ZNF44: variants seen among roughly 807,000 people sequenced by gnomAD.
ZNF44 encodes the protein gonadotropin inducible transcription repressor-2.
ZNF44 carries 9 observed loss-of-function variants against 11.7 expected under a neutral mutation model. The ratio of observed to expected loss-of-function variants is 0.77; its 90% confidence interval spans 0.46 to 1.35. ZNF44 has a LOEUF of 1.35. Among genes scored for constraint, ZNF44 ranks in the 40% most tolerant of loss-of-function variants. The pLI, the probability that ZNF44 is intolerant of heterozygous loss-of-function variation, is 0.00. For synonymous variants in ZNF44, 224 were observed against 242.7 expected, an observed-to-expected ratio of 0.92 and a Z score of 0.72; for missense variants, 696 against 743.1, an observed-to-expected ratio of 0.94 and a Z score of 0.74.
intron 5 of ZNF44, among the ~76,000 whole-genome samples, chr19:12,251,386 CAG>C (rs1916989297): frequency 6.6e-6 from 1 of 151,622 alleles, no homozygotes; most frequent in South Asian, 2.1e-4. Flanking sequence ...CCCAGCTACT[CAG>C]GGGGCTGAGG....
chr19:12,250,176 T>C (rs1031530395), intron 6 of ZNF44: 1 of 1,284,280 alleles, frequency 7.8e-7, no homozygotes, highest in East Asian at 5.2e-5. Context: ...TGGAATAGCA[T>C]TGATATCCAA....
chr19:12,263,989 A>C (rs1346239614), intron 5 of ZNF44, among the ~76,000 whole-genome samples: 1 of 151,390 alleles, frequency 6.6e-6, no homozygotes, highest in African/African-American at 2.4e-5. Context: ...GCTACTTGGG[A>C]GGCTGAGGTG....
At chr19:12,255,132 A>ACACACACCCC (rs373440877) in intron 5 of ZNF44, among the ~76,000 whole-genome samples, 8 of 145,084 alleles carry the variant, frequency 5.5e-5, no homozygotes, top group African/African-American at 2.1e-4. Flanking sequence ...ACACACACAC[A>ACACACACCCC]CCCCTTTGTG....
chr19:12,278,567 C>CA (rs1478677787), intron 1 of ZNF44, among the ~76,000 whole-genome samples: 2 of 151,748 alleles, frequency 1.3e-5, no homozygotes, highest in African/African-American at 4.8e-5. Context: ...CTCATCTCTA[C>CA]AAAAAATAAA....
chr19:12,242,721 G>A (rs1244158295), downstream of ZNF44: 1 of 150,790 alleles, frequency 6.6e-6, no homozygotes, highest in Non-Finnish European at 1.5e-5. Context: ...GCATGGTAGT[G>A]TGCACCTGTA....
intron 1 of ZNF44, among the ~76,000 whole-genome samples, chr19:12,278,004 A>C (rs1451386416): frequency 6.6e-6 from 1 of 152,248 alleles, no homozygotes; most frequent in Non-Finnish European, 1.5e-5. Flanking sequence ...CTGTAATCCC[A>C]GTACTTTGGG....
chr19:12,258,035 A>T (rs1917335721), intron 5 of ZNF44, among the ~76,000 whole-genome samples: 1 of 151,298 alleles, frequency 6.6e-6, no homozygotes, highest in Non-Finnish European at 1.5e-5. Flanking sequence ...TAAAAGGAGA[A>T]ATACTCGGCC....
In ZNF44 at chr19:12,274,063, C is replaced by T. The variant is rs532247961; in HGVS notation, c.192G>A (p.Arg64=). Residue 64 remains arginine (R), a splice_region_variant and synonymous_variant, in exon 4 of 4, where the codon AGG becomes AGA. Transcript: ENST00000355684. ...TACCAAATCTCTCTACCACATCACA[C>T]CTGTAAAAAATGAAAAGTACATTAC... is the stretch of plus-strand genomic sequence containing the variant. ...DQHQNLRRNP[R]CDVVERFGKS... The T allele has an allele frequency of 3.1e-6, 5 of 1,596,062 alleles. No homozygotes were observed. The Admixed American group carries it at 7.0e-5, about 22-fold the overall frequency.
chr19:12,278,419 A>G (rs1456971821), intron 1 of ZNF44, among the ~76,000 whole-genome samples: 1 of 151,942 alleles, frequency 6.6e-6, no homozygotes, highest in Admixed American at 6.6e-5. Context: ...CACACTCTAA[A>G]TTTCTGTGTG....
upstream of ZNF44, among the ~76,000 whole-genome samples, chr19:12,239,775 T>C (rs1365164831): frequency 1.3e-5 from 2 of 151,490 alleles, no homozygotes; most frequent in Non-Finnish European, 2.9e-5. Flanking sequence ...GGTTTCACTA[T>C]GTTGGCCAAG....
chr19:12,294,365 G>A (rs958161821), intron 1 of ZNF44, among the ~76,000 whole-genome samples: 16 of 152,250 alleles, frequency 1.1e-4, no homozygotes, highest in Non-Finnish European at 1.5e-5. Flanking sequence ...CGGCGTCCGG[G>A]TGCAGTGACT....
At chr19:12,245,823 T>G (rs576401640), downstream of ZNF44, among the ~76,000 whole-genome samples, 97 of 152,180 alleles carry the variant, frequency 6.4e-4, 1 homozygote, top group African/African-American at 2.3e-3. Context: ...ACCAATAGCC[T>G]AATGACATGA....
At chr19:12,250,519 A>AC (rs1264634530) in intron 5 of ZNF44, among the ~76,000 whole-genome samples, 3 of 152,106 alleles carry the variant, frequency 2.0e-5, no homozygotes, top group Admixed American at 6.6e-5. Context: ...CTTTGGCCAC[A>AC]CTCCCTCAGT....
chr19:12,284,870 C>T (rs546437718), intron 1 of ZNF44: 23 of 797,528 alleles, frequency 2.9e-5, no homozygotes, highest in Admixed American at 6.1e-5. Context: ...GCCACTGCGG[C>T]TCTGTGCTGG....
rs1917642574 is a variant in ZNF44 at position 12,264,282 on chromosome 19, TC to T, written c.1912+8204del. Among the ~76,000 whole-genome samples, 4 of 152,248 alleles carry T rather than the reference TC, an allele frequency of 2.6e-5. No individual in the cohort carries two copies. The South Asian group carries it at 8.3e-4, about 32-fold the overall frequency. ...GTGTGAGTATGTAGGACACCTGCTC[TC>T]CTTGATAAGCGTGAGTACGTAGGAC... On this transcript the variant is annotated intron_variant and NMD_transcript_variant, in intron 5 of 7. Transcript: ENST00000393337.
At chr19:12,283,293 GA>G (rs2145750727) in intron 1 of ZNF44, among the ~76,000 whole-genome samples, 1 of 152,260 alleles carries the variant, frequency 6.6e-6, no homozygotes, top group South Asian at 2.1e-4. Flanking sequence ...CAACACCTAT[GA>G]AAGACAAAAG....
chr19:12,270,177 G>C (rs1280933132), downstream of ZNF44, among the ~76,000 whole-genome samples: 1 of 151,950 alleles, frequency 6.6e-6, no homozygotes, highest in Non-Finnish European at 1.5e-5. Flanking sequence ...AATAACTAGG[G>C]TAAAATAGAT....
chr19:12,254,785 G>A (rs999491753), intron 5 of ZNF44, among the ~76,000 whole-genome samples: 1 of 151,554 alleles, frequency 6.6e-6, no homozygotes, highest in Admixed American at 6.6e-5. Flanking sequence ...TGAAAATACA[G>A]CTTATTAAAC....
At chr19:12,232,512 C>G (rs528084127) in intron 2 of ZNF44, among the ~76,000 whole-genome samples, 1 of 152,158 alleles carries the variant, frequency 6.6e-6, no homozygotes, top group African/African-American at 2.4e-5. Flanking sequence ...GTTTGTGTCC[C>G]TGGGTACTTG....
Sources: allele counts gnomAD v4.1 joint callset (sites outside exome capture counted in the v4.1 genomes callset), GRCh38; gene constraint gnomAD v4.1.1; transcripts MANE v1.5; gene names NCBI Gene and HGNC (gene_info 2026-07-23, HGNC 2026-07-21).